LMNTD1: variants seen among roughly 807,000 people sequenced by gnomAD.
LMNTD1 encodes the protein lamin tail domain containing 1.
Under a neutral mutation model 50.9 loss-of-function variants are expected in LMNTD1, and 35 were observed. The observed-to-expected ratio is 0.69, with a 90% CI of 0.53 to 0.91. The LOEUF (loss-of-function observed/expected upper bound fraction) is 0.91. LMNTD1 is among the 40% of genes least tolerant of loss of function. The probability of loss-of-function intolerance (pLI) is 0.00; values close to 1 mark genes in which losing one functional copy is unlikely to be tolerated. For synonymous variants in LMNTD1, 153 were observed against 161.9 expected (o/e 0.94, Z 0.42); for missense variants, 470 against 475.5 (o/e 0.99, Z 0.11).
At chr12:25,596,221 T>C (rs1051881842) in intron 1 of LMNTD1, among the ~76,000 whole-genome samples, 1 of 152,060 alleles carries the variant, frequency 6.6e-6, no homozygotes, top group Non-Finnish European at 1.5e-5. Flanking sequence ...CCTAAATCAT[T>C]CTATGAAGCA....
chr12:25,548,632 A>G (rs1591986357), intron 3 of LMNTD1, among the ~76,000 whole-genome samples: 1 of 152,084 alleles, frequency 6.6e-6, no homozygotes, highest in East Asian at 1.9e-4. Flanking sequence ...GGTGCCTAAC[A>G]TTGTAGAAAA....
chr12:25,536,072 T>C (rs925269754), intron 4 of LMNTD1, among the ~76,000 whole-genome samples: 6 of 152,026 alleles, frequency 3.9e-5, no homozygotes, highest in African/African-American at 1.4e-4. Flanking sequence ...TAACAAAGCT[T>C]TAGAATACAT....
intron 8 of LMNTD1, among the ~76,000 whole-genome samples, chr12:25,518,272 A>G (rs926195543): frequency 1.3e-5 from 2 of 152,204 alleles, no homozygotes; most frequent in Non-Finnish European, 2.9e-5. Context: ...GACACACACA[A>G]TTTTGTGAAA....
chr12:25,596,917 G>T (rs1046046947), intron 1 of LMNTD1, among the ~76,000 whole-genome samples: 1 of 70,934 alleles, frequency 1.4e-5, no homozygotes, highest in Non-Finnish European at 3.3e-5. Context: ...TGGGGACATA[G>T]TTAAGGCACA....
chr12:25,616,154 C>T (rs575094845), intron 1 of LMNTD1, among the ~76,000 whole-genome samples: 229 of 151,804 alleles, frequency 1.5e-3, no homozygotes, highest in African/African-American at 4.7e-3. Context: ...TGAAGTAAAT[C>T]AATAAAGCAG....
chr12:25,499,926 T>C (rs1291987134), intron 9 of LMNTD1: 1 of 152,206 alleles, frequency 6.6e-6, no homozygotes, highest in Non-Finnish European at 1.5e-5. Context: ...TTGGCCAGCA[T>C]GGCAGGGAGC....
intron 1 of LMNTD1, among the ~76,000 whole-genome samples, chr12:25,645,628 G>T (rs1382851): frequency 0.62 from 93,537 of 152,046 alleles, 29,207 homozygotes; most frequent in Non-Finnish European, 0.68. Context: ...ATGGGCCACA[G>T]AACATTAGAT....
chr12:25,534,450 T>G (rs1942435523), intron 4 of LMNTD1, among the ~76,000 whole-genome samples: 2 of 152,134 alleles, frequency 1.3e-5, no homozygotes, highest in Admixed American at 1.3e-4. Flanking sequence ...TCGAGAAAAT[T>G]TCAAGGCTGC....
intron 1 of LMNTD1, among the ~76,000 whole-genome samples, chr12:25,572,040 C>T (rs528606478): frequency 6.6e-6 from 1 of 152,184 alleles, no homozygotes; most frequent in East Asian, 1.9e-4. Flanking sequence ...AGGTTCCTCC[C>T]CTAGGTTTTG....
Position 25,569,096 on chromosome 12 carries a change from C to A in LMNTD1, c.59-22542G>T, listed in dbSNP as rs543794088. On this transcript the variant is annotated intron_variant, in intron 1 of 7. Transcript: ENST00000445693. Reference sequence around the variant, plus strand: ...GCTTGCCCTCTGTGCCTAGAAAAGCCACAAGCACTCAACTCCAACCCATGA... The same window carrying A: ...GCTTGCCCTCTGTGCCTAGAAAAGCAACAAGCACTCAACTCCAACCCATGA... Among the ~76,000 whole-genome samples the A allele has an allele frequency of 3.9e-5, 6 of 152,350 alleles. No individual in the cohort carries two copies. In the South Asian group the frequency reaches 1.2e-3, roughly 32 times the overall value.
chr12:25,540,775 G>A (rs1373719964), intron 4 of LMNTD1, among the ~76,000 whole-genome samples: 1 of 135,464 alleles, frequency 7.4e-6, no homozygotes, highest in Non-Finnish European at 1.6e-5. Flanking sequence ...AGGAAAAGAG[G>A]AAGTCAAACT....
chr12:25,632,903 A>G (rs747347101), intron 1 of LMNTD1, among the ~76,000 whole-genome samples: 2 of 152,162 alleles, frequency 1.3e-5, no homozygotes, highest in African/African-American at 2.4e-5. Context: ...TCACCAACCA[A>G]CTATCTGTTG....
chr12:25,557,410 G>T (rs187127796), upstream of LMNTD1: 1 of 152,184 alleles, frequency 6.6e-6, no homozygotes, highest in African/African-American at 2.4e-5. Context: ...CTGCATTTCT[G>T]AGGCTGAGTC....
chr12:25,616,468 A>T lies in LMNTD1; in HGVS notation c.58+32026T>A, dbSNP rs181978464. On this transcript the variant is annotated intron_variant, in intron 1 of 7. Transcript: ENST00000445693. Reference sequence around the variant, plus strand: ...CATACTGTATGATTACACTTACGTAACATTCTTGAAATGACAAAATTATGG... The same window carrying T: ...CATACTGTATGATTACACTTACGTATCATTCTTGAAATGACAAAATTATGG... Among the ~76,000 whole-genome samples, 103 of 152,340 alleles carry T rather than the reference A, an allele frequency of 6.8e-4. 1 individual carries two copies. The highest frequency in any genetic ancestry group is 2.4e-3 in the African/African-American group (99 of 41,580).
intron 9 of LMNTD1, among the ~76,000 whole-genome samples, chr12:25,480,493 A>G (rs1220687478): frequency 1.3e-5 from 2 of 152,156 alleles, no homozygotes; most frequent in African/African-American, 2.4e-5. Context: ...TCCTGATCCT[A>G]TGCTGTAGTC....
chr12:25,541,376 T>C (rs952742470), intron 4 of LMNTD1, among the ~76,000 whole-genome samples: 3 of 147,370 alleles, frequency 2.0e-5, no homozygotes, highest in Non-Finnish European at 3.0e-5. Flanking sequence ...AACAGAGATA[T>C]AGATCAATGG....
At chr12:25,560,759 G>A (rs1207401022) in intron 1 of LMNTD1, among the ~76,000 whole-genome samples, 2 of 152,060 alleles carry the variant, frequency 1.3e-5, no homozygotes, top group Non-Finnish European at 2.9e-5. Context: ...TCCCTTATAA[G>A]TTGGATTCCT....
At position 25,527,444 on chromosome 12, in the gene LMNTD1, A is replaced by G. The variant is rs148493060; in HGVS notation, c.492-489T>C. Among the ~76,000 whole-genome samples, 222 of 151,254 alleles carry G rather than the reference A, an allele frequency of 1.5e-3. 4 individuals carry two copies. In the East Asian group the frequency reaches 0.031, roughly 21 times the overall value. On this transcript the variant is annotated intron_variant, in intron 4 of 9. Transcript: ENST00000458174. ...TTTTCACCTTTTAACTTGCATTGAG[A>G]GCTTTCTATGTACGATCCAGGGACC... is the stretch of plus-strand genomic sequence containing the variant.
intron 9 of LMNTD1, among the ~76,000 whole-genome samples, chr12:25,489,289 GC>G (rs1263528457): frequency 6.7e-6 from 1 of 150,282 alleles, no homozygotes; most frequent in Non-Finnish European, 1.5e-5. Flanking sequence ...GATTCCGTGG[GC>G]GTAGGACCCT....
Sources: allele counts gnomAD v4.1 joint callset (sites outside exome capture counted in the v4.1 genomes callset), GRCh38; gene constraint gnomAD v4.1.1; transcripts MANE v1.5; gene names NCBI Gene and HGNC (gene_info 2026-07-23, HGNC 2026-07-21).